The following TAOK1 variants were observed in gnomAD, a reference collection of about 807,000 sequenced individuals.
TAOK1 encodes TAO kinase 1, also known as serine/threonine-protein kinase TAO1.
In TAOK1, 21 loss-of-function variants were observed where a neutral mutation model predicts 138.3. The observed-to-expected ratio is 0.15, with a 90% CI of 0.11 to 0.22. The LOEUF (loss-of-function observed/expected upper bound fraction) is 0.22, where lower values mean the gene tolerates loss of function less well. TAOK1 is among the 10% of genes least tolerant of loss of function. The probability of loss-of-function intolerance (pLI) is 1.00; values close to 1 mark genes in which losing one functional copy is unlikely to be tolerated. For missense variants in TAOK1, 651 were observed against 1,227.7 expected, an observed-to-expected ratio of 0.53 and a Z score of 7.02; for synonymous variants, 361 against 398.4, an observed-to-expected ratio of 0.91 and a Z score of 1.12.
intron 1 of TAOK1, among the ~76,000 whole-genome samples, chr17:29,441,012 AC>A (rs1215973365): frequency 1.3e-5 from 2 of 152,174 alleles, no homozygotes; most frequent in African/African-American, 4.8e-5. Flanking sequence ...ATGTTGAATC[AC>A]CCTTGCATTC....
rs2032402163 is a variant in TAOK1 at position 29,546,283 on chromosome 17, C to G, written c.*3261C>G. ...TTTGTTGGTAAATGGAACATTTTAG[C>G]ATAGTCATGATTTTTGGTTGCCTAG... is the stretch of plus-strand genomic sequence containing the variant. On this transcript the variant is annotated 3_prime_UTR_variant, in exon 20 of 20. Coordinates refer to ENST00000261716, the MANE Select transcript of TAOK1 (RefSeq NM_020791.4). The G allele has an allele frequency of 6.6e-6, 1 of 152,028 alleles. No homozygotes were observed. Among genetic ancestry groups the G allele is most frequent in the African/African-American group, 2.4e-5 (1 of 41,408 alleles). 9.4% of individuals were successfully genotyped at this position (152,028 alleles called of 1,614,324 possible).
At chr17:29,465,512 T>A (rs8065958) in intron 2 of TAOK1, among the ~76,000 whole-genome samples, 95,400 of 151,278 alleles carry the variant, frequency 0.63, 31,456 homozygotes, top group East Asian at 0.97. Context: ...GTCCTTTTTT[T>A]AAAAAAAAAG....
chr17:29,425,528 A>AC (rs1905608040), intron 1 of TAOK1, among the ~76,000 whole-genome samples: 1 of 152,140 alleles, frequency 6.6e-6, no homozygotes, highest in Non-Finnish European at 1.5e-5. Flanking sequence ...AAAATATAAA[A>AC]ATTAGCTGAG....
rs887612131 is a variant in TAOK1, at chr17:29,547,059, T to A, written c.*4037T>A. 2.6e-5 allele frequency: 4 copies of A among 152,156 alleles called. No homozygotes were observed. In the South Asian group the frequency reaches 8.3e-4, roughly 32 times the overall value. 9.4% of individuals were successfully genotyped at this position (152,156 alleles called of 1,614,324 possible). A position where few individuals can be genotyped will look rare whatever the true frequency, so the allele number is the denominator to read the frequency against. On this transcript the variant is annotated 3_prime_UTR_variant, in exon 20 of 20. Transcript: ENST00000261716. ...GTTTGTGTTGTGATGCAATAAGAGA[T>A]AAGTAATGCAGAGAGAAATGAACCA... is the stretch of plus-strand genomic sequence containing the variant.
chr17:29,411,058 A>G (rs1049857726), intron 1 of TAOK1, among the ~76,000 whole-genome samples: 39 of 147,916 alleles, frequency 2.6e-4, no homozygotes, highest in Non-Finnish European at 5.2e-4. Context: ...TTTTACTTCT[A>G]CAAACCTACA....
At chr17:29,450,533 A>G (rs1427039000) in intron 1 of TAOK1, among the ~76,000 whole-genome samples, 1 of 152,028 alleles carries the variant, frequency 6.6e-6, no homozygotes, top group African/African-American at 2.4e-5. Flanking sequence ...TTGTTTTGAG[A>G]CAGGATCTCA....
intron 1 of TAOK1, among the ~76,000 whole-genome samples, chr17:29,419,274 G>A (rs558910313): frequency 1.3e-5 from 2 of 151,808 alleles, no homozygotes; most frequent in South Asian, 2.1e-4. Flanking sequence ...TCGGCTCACC[G>A]CAACCTCCGC....
intron 12 of TAOK1, among the ~76,000 whole-genome samples, chr17:29,499,333 G>A (rs1218077707): frequency 1.3e-5 from 2 of 148,404 alleles, no homozygotes; most frequent in Non-Finnish European, 3.0e-5. Flanking sequence ...TCAGTTTCAA[G>A]CGATCCTCCT....
intron 17 of TAOK1, among the ~76,000 whole-genome samples, chr17:29,527,304 A>G (rs1343946075): frequency 6.6e-6 from 1 of 151,996 alleles, no homozygotes; most frequent in Non-Finnish European, 1.5e-5. Flanking sequence ...AAGAAAAGAA[A>G]AAGATTCAAA....
chr17:29,431,197 T>G (rs547720499), intron 1 of TAOK1, among the ~76,000 whole-genome samples: 4 of 152,274 alleles, frequency 2.6e-5, no homozygotes, highest in African/African-American at 9.6e-5. Flanking sequence ...CCCTTTTTGG[T>G]CAGGTTCTCA....
Position 29,480,445 on chromosome 17 carries a change from C to T in TAOK1, c.527C>T (p.Ala176Val), listed in dbSNP as rs747156223. 9 of 1,613,336 alleles carry T rather than the reference C, an allele frequency of 5.6e-6. No individual in the cohort carries two copies. Among genetic ancestry groups the T allele is most frequent in the Non-Finnish European group, 5.9e-6 (7 of 1,179,510 alleles). ...GCTGACTTTGGCTCTGCTTCCATGG[C>T]ATCACCTGCCAATTCCTTTGTGGGA... is the stretch of plus-strand genomic sequence containing the variant. ...KLADFGSASM[A>V]SPANSFVGTP... The change falls in exon 7 of 20, where the codon GCA (alanine) becomes GTA (valine). Residue 176 changes from alanine to valine, a missense_variant. Physicochemically the swap from Ala to Val is moderately conservative, Grantham distance 64. Transcript: ENST00000261716.
At chr17:29,423,419 G>A (rs373698950) in intron 1 of TAOK1, among the ~76,000 whole-genome samples, 6 of 151,348 alleles carry the variant, frequency 4.0e-5, no homozygotes, top group East Asian at 2.0e-4. Flanking sequence ...GGGTTTCACC[G>A]TGTTAGCCAG....
At chr17:29,415,839 G>A (rs1000976187) in intron 1 of TAOK1, among the ~76,000 whole-genome samples, 5 of 152,154 alleles carry the variant, frequency 3.3e-5, no homozygotes, top group African/African-American at 7.2e-5. Flanking sequence ...TTAAGAACCC[G>A]TCTACCATTA....
intron 19 of TAOK1, among the ~76,000 whole-genome samples, chr17:29,538,593 A>T (rs1004926570): frequency 6.6e-6 from 1 of 152,214 alleles, no homozygotes; most frequent in African/African-American, 2.4e-5. Flanking sequence ...GTACATACAT[A>T]TAAGAAGGAG....
At chr17:29,404,561 A>C (rs975175452) in intron 1 of TAOK1, among the ~76,000 whole-genome samples, 2 of 152,154 alleles carry the variant, frequency 1.3e-5, no homozygotes, top group African/African-American at 2.4e-5. Context: ...GGAGACTGAG[A>C]CAAGGGGATC....
intron 3 of TAOK1, among the ~76,000 whole-genome samples, chr17:29,475,226 A>C (rs566057474): frequency 6.6e-6 from 1 of 152,316 alleles, no homozygotes; most frequent in African/African-American, 2.4e-5. Context: ...GGCGTGAGCC[A>C]CTGTACCTGG....
chr17:29,511,097 A>G, intron 15 of TAOK1, 105 bp downstream of exon 15: 2 of 1,114,110 alleles, frequency 1.8e-6, no homozygotes, highest in Non-Finnish European at 2.5e-6. Context: ...TTTGTTGTTT[A>G]TGGTCACTAA....
chr17:29,532,326 T>G (rs2032131066), intron 18 of TAOK1, among the ~76,000 whole-genome samples: 1 of 150,900 alleles, frequency 6.6e-6, no homozygotes, highest in Non-Finnish European at 1.5e-5. Context: ...CTAATGAGAT[T>G]CTAGGTTTTT....
chr17:29,423,082 T>C (rs1207655615), intron 1 of TAOK1, among the ~76,000 whole-genome samples: 44 of 151,680 alleles, frequency 2.9e-4, no homozygotes, highest in Non-Finnish European at 4.4e-5. Flanking sequence ...ATTGGTTTCT[T>C]TTTTTTCCCC....
Sources: allele counts gnomAD v4.1 joint callset (sites outside exome capture counted in the v4.1 genomes callset), GRCh38; gene constraint gnomAD v4.1.1; transcripts MANE v1.5; gene names NCBI Gene and HGNC (gene_info 2026-07-23, HGNC 2026-07-21).